CLEC6A: variants seen among roughly 807,000 people sequenced by gnomAD.
The protein encoded by CLEC6A is C-type lectin domain containing 6A, also known as C-type lectin domain family 6 member A.
A neutral mutation model predicts 25.7 loss-of-function variants in CLEC6A; 22 were observed. The observed-to-expected ratio is 0.85, with a 90% confidence interval of 0.61 to 1.22. CLEC6A has a LOEUF of 1.22. Among genes scored for constraint, CLEC6A ranks in the 50% most tolerant of loss-of-function variants. The pLI is 0.00. For synonymous variants in CLEC6A, 92 were observed against 76.7 expected (o/e 1.20, Z -1.04); for missense variants, 240 against 236.8 (o/e 1.01, Z -0.09).
intron 2 of CLEC6A, among the ~76,000 whole-genome samples, chr12:8,458,617 C>T (rs1304174647): frequency 1.3e-5 from 2 of 151,970 alleles, no homozygotes; most frequent in East Asian, 3.9e-4. Flanking sequence ...AGTGACTTCC[C>T]CTGTCAATCA....
rs186254369 is a variant in CLEC6A at position 8,462,308 on chromosome 12, G to A, written c.223+2610G>A. On this transcript the variant is annotated intron_variant, in intron 3 of 5. Coordinates refer to ENST00000382073, the MANE Select transcript of CLEC6A (RefSeq NM_001007033.2). ...ATGTGATAGTCTGAAATATGGCCTCGTGGGAAGGGAAACACCTGACCGTCC... is the reference window on the plus strand; with the variant it reads ...ATGTGATAGTCTGAAATATGGCCTCATGGGAAGGGAAACACCTGACCGTCC... Among the ~76,000 whole-genome samples, 584 of 144,526 alleles carry A rather than the reference G, an allele frequency of 4.0e-3. 7 individuals carry two copies. Among genetic ancestry groups the A allele is most frequent in the African/African-American group, 0.014 (555 of 39,216 alleles). 94.8% of individuals were successfully genotyped at this position (144,526 alleles called of 152,430 possible).
In CLEC6A at chr12:8,459,687, C is replaced by T. The variant is rs1591705595; in HGVS notation, c.212C>T (p.Thr71Ile). 1 of 1,606,680 alleles carries T rather than the reference C, an allele frequency of 6.2e-7. No homozygotes were observed. The highest frequency in any genetic ancestry group is 8.5e-7 in the Non-Finnish European group (1 of 1,173,204). Residue 71 changes from threonine to isoleucine, a missense_variant, in exon 3 of 6, where the codon ACA becomes ATA. Thr to Ile is a moderately conservative substitution (Grantham distance 89, BLOSUM62 -1). Transcript: ENST00000382073. ...HSSLTCFSEGTKVPAWGCCPA... is the reference protein window; with the variant it reads ...HSSLTCFSEGIKVPAWGCCPA... ...AGTCTCACCTGCTTCAGTGAAGGGA[C>T]AAAGGTGCCAGGTAAATCTTTAAAA...
intron 3 of CLEC6A, among the ~76,000 whole-genome samples, chr12:8,464,337 T>C (rs12810595): frequency 1.4e-4 from 6 of 42,898 alleles, no homozygotes; most frequent in Non-Finnish European, 1.8e-4. Context: ...CTTTTTCTTT[T>C]TTTTTTTTTT....
chr12:8,472,312 G>T (rs1271332577), intron 4 of CLEC6A, among the ~76,000 whole-genome samples: 3 of 152,114 alleles, frequency 2.0e-5, no homozygotes, highest in Non-Finnish European at 4.4e-5. Flanking sequence ...GTAATAAGCT[G>T]CCATGCTTGC....
At chr12:8,458,215 G>T (rs1180560429) in intron 2 of CLEC6A, among the ~76,000 whole-genome samples, 2 of 152,054 alleles carry the variant, frequency 1.3e-5, no homozygotes, top group Non-Finnish European at 2.9e-5. Context: ...TCTGAATCAT[G>T]GCCTCACATA....
At chr12:8,471,838 A>G (rs962976933) in intron 4 of CLEC6A, among the ~76,000 whole-genome samples, 2 of 152,006 alleles carry the variant, frequency 1.3e-5, no homozygotes, top group African/African-American at 4.8e-5. Context: ...CAGTATTTTG[A>G]ATGTATCATA....
At chr12:8,460,491 G>A (rs777883077) in intron 3 of CLEC6A, 100 of 606,302 alleles carry the variant, frequency 1.6e-4, no homozygotes, top group Non-Finnish European at 2.7e-4. Context: ...CTCACAGCAC[G>A]TGGGAATTAT....
intron 4 of CLEC6A, among the ~76,000 whole-genome samples, chr12:8,473,514 T>C (rs904452814): frequency 3.9e-5 from 6 of 152,226 alleles, no homozygotes; most frequent in Admixed American, 1.3e-4. Flanking sequence ...TTTTTACTAT[T>C]GGAAATACCA....
At chr12:8,473,414 T>C (rs1939932121) in intron 4 of CLEC6A, among the ~76,000 whole-genome samples, 1 of 152,190 alleles carries the variant, frequency 6.6e-6, no homozygotes, top group Admixed American at 6.5e-5. Context: ...ATTTAAATCA[T>C]TTTAATGACT....
intron 3 of CLEC6A, among the ~76,000 whole-genome samples, chr12:8,461,994 G>T (rs1034641947): frequency 6.5e-4 from 99 of 152,328 alleles, no homozygotes; most frequent in African/African-American, 2.2e-3. Flanking sequence ...GTAGACATAG[G>T]AGACTCCATT....
chr12:8,470,006 G>T (rs982904311), intron 4 of CLEC6A, among the ~76,000 whole-genome samples: 1 of 152,078 alleles, frequency 6.6e-6, no homozygotes, highest in Non-Finnish European at 1.5e-5. Flanking sequence ...AACACACAAA[G>T]TAGGAGAAAA....
intron 5 of CLEC6A, among the ~76,000 whole-genome samples, chr12:8,476,444 G>T (rs1317517448): frequency 6.6e-6 from 1 of 151,878 alleles, no homozygotes; most frequent in Non-Finnish European, 1.5e-5. Flanking sequence ...TAAATAACTT[G>T]CCCCAAATCA....
intron 3 of CLEC6A, chr12:8,460,623 T>A (rs1565481860): frequency 1.1e-5 from 15 of 1,363,144 alleles, no homozygotes; most frequent in East Asian, 4.6e-5. Context: ...TCAAGATGGG[T>A]GCATACAAGT....
At chr12:8,470,863 C>A (rs1184128265) in intron 4 of CLEC6A, among the ~76,000 whole-genome samples, 1 of 151,988 alleles carries the variant, frequency 6.6e-6, no homozygotes, top group East Asian at 1.9e-4. Flanking sequence ...ATTCATGTAA[C>A]CAAACACCAT....
intron 3 of CLEC6A, among the ~76,000 whole-genome samples, chr12:8,462,256 G>A (rs867764775): frequency 6.7e-6 from 1 of 148,518 alleles, no homozygotes; most frequent in African/African-American, 2.5e-5. Flanking sequence ...GCCTAGGAAA[G>A]CCAGGTATTG....
At chr12:8,457,723 C>T (rs2136355969) in intron 1 of CLEC6A, among the ~76,000 whole-genome samples, 175 bp from the exon 2 acceptor site, 1 of 152,294 alleles carries the variant, frequency 6.6e-6, no homozygotes, top group South Asian at 2.1e-4. Flanking sequence ...TCTTTTGGAC[C>T]ACAGAGCTAC....
intron 4 of CLEC6A, among the ~76,000 whole-genome samples, chr12:8,472,789 T>C (rs1939923633): frequency 6.6e-6 from 1 of 152,154 alleles, no homozygotes; most frequent in South Asian, 2.1e-4. Flanking sequence ...AAGTACATGT[T>C]CATGTTTGTT....
chr12:8,471,939 G>A (rs1044714330), intron 4 of CLEC6A, among the ~76,000 whole-genome samples: 1 of 152,088 alleles, frequency 6.6e-6, no homozygotes. Flanking sequence ...TTCTCTTGCT[G>A]CTTTTAACAT....
At chr12:8,457,642 CAT>C (rs1245292218) in intron 1 of CLEC6A, among the ~76,000 whole-genome samples, 1 of 152,118 alleles carries the variant, frequency 6.6e-6, no homozygotes, top group African/African-American at 2.4e-5. Flanking sequence ...TCAATGGAAA[CAT>C]GTAATAGTTT....
Sources: allele counts gnomAD v4.1 joint callset (sites outside exome capture counted in the v4.1 genomes callset), GRCh38; gene constraint gnomAD v4.1.1; transcripts MANE v1.5; gene names NCBI Gene and HGNC (gene_info 2026-07-23, HGNC 2026-07-21).